CSNK2A2IP: variants seen among roughly 807,000 people sequenced by gnomAD.
CSNK2A2IP encodes the protein casein kinase 2 subunit alpha' interacting protein.
chr3:88,388,672 T>C, the CSNK2A2IP span, among the ~76,000 whole-genome samples: 1 of 152,220 alleles, frequency 6.6e-6, no homozygotes, highest in African/African-American at 2.4e-5. Flanking sequence ...TTCTTTGCCA[T>C]CTTATTCATC....
At chr3:88,342,988 A>T in the CSNK2A2IP span, among the ~76,000 whole-genome samples, 1 of 151,972 alleles carries the variant, frequency 6.6e-6, no homozygotes, top group African/African-American at 2.4e-5. Flanking sequence ...CTTACACTTA[A>T]ATAGCCACCT....
the CSNK2A2IP span, among the ~76,000 whole-genome samples, chr3:88,413,185 A>G: frequency 6.6e-6 from 1 of 152,044 alleles, no homozygotes; most frequent in Non-Finnish European, 1.5e-5. Flanking sequence ...ATGCCTACTC[A>G]CCTATGTTGT....
the CSNK2A2IP span, among the ~76,000 whole-genome samples, chr3:88,452,612 C>T: frequency 6.6e-6 from 1 of 152,038 alleles, no homozygotes; most frequent in Non-Finnish European, 1.5e-5. Flanking sequence ...TGGTCGACGA[C>T]TCAATTACAG....
At chr3:88,454,564 C>T in the CSNK2A2IP span, among the ~76,000 whole-genome samples, 23 of 151,738 alleles carry the variant, frequency 1.5e-4, no homozygotes, top group African/African-American at 5.3e-4. Flanking sequence ...ACAGTAGATC[C>T]ATGATCTTAT....
At chr3:88,345,266 C>T in the CSNK2A2IP span, among the ~76,000 whole-genome samples, 1 of 151,984 alleles carries the variant, frequency 6.6e-6, no homozygotes, top group Non-Finnish European at 1.5e-5. Context: ...TATTTGTGTA[C>T]GTGGCTTGCC....
chr3:88,363,917 C>T, the CSNK2A2IP span, among the ~76,000 whole-genome samples: 1 of 152,148 alleles, frequency 6.6e-6, no homozygotes, highest in Non-Finnish European at 1.5e-5. Flanking sequence ...CTGAGGTTTT[C>T]TTCCCCTGGC....
At chr3:88,428,061 G>A in the CSNK2A2IP span, among the ~76,000 whole-genome samples, 1 of 152,196 alleles carries the variant, frequency 6.6e-6, no homozygotes, top group Non-Finnish European at 1.5e-5. Flanking sequence ...CAGGGGTAGA[G>A]CTGCACAAGA....
the CSNK2A2IP span, among the ~76,000 whole-genome samples, chr3:88,442,036 T>A: frequency 6.6e-6 from 1 of 152,150 alleles, no homozygotes; most frequent in Non-Finnish European, 1.5e-5. Context: ...AATGAATAGC[T>A]TTACATTAAA....
the CSNK2A2IP span, among the ~76,000 whole-genome samples, chr3:88,396,508 A>C: frequency 1.3e-5 from 2 of 152,220 alleles, no homozygotes; most frequent in Non-Finnish European, 2.9e-5. Flanking sequence ...CTGAAGCCGG[A>C]ACAAGCATTG....
chr3:88,446,076 T>TTC, the CSNK2A2IP span, among the ~76,000 whole-genome samples: 1 of 145,724 alleles, frequency 6.9e-6, no homozygotes, highest in Non-Finnish European at 1.5e-5. Context: ...CTTTCTTTCT[T>TTC]TCTTTCTTTC....
the CSNK2A2IP span, among the ~76,000 whole-genome samples, chr3:88,354,615 T>C: frequency 1.3e-5 from 2 of 152,142 alleles, no homozygotes; most frequent in Non-Finnish European, 1.5e-5. Context: ...GAAAGAAAAT[T>C]CACCTGTCCA....
chr3:88,338,811 G>A, the CSNK2A2IP span, among the ~76,000 whole-genome samples: 2 of 152,126 alleles, frequency 1.3e-5, no homozygotes, highest in South Asian at 2.1e-4. Context: ...AAAAATGTCA[G>A]TGAATAAACT....
At chr3:88,374,593 T>C in the CSNK2A2IP span, among the ~76,000 whole-genome samples, 1 of 151,716 alleles carries the variant, frequency 6.6e-6, no homozygotes, top group South Asian at 2.1e-4. Flanking sequence ...ATGAAAATTG[T>C]AAAAACAGCA....
At chr3:88,418,302 T>G in the CSNK2A2IP span, among the ~76,000 whole-genome samples, 1 of 152,034 alleles carries the variant, frequency 6.6e-6, no homozygotes, top group Non-Finnish European at 1.5e-5. Context: ...AAAAAGATCG[T>G]GGTGCAGTGA....
chr3:88,395,469 A>C, the CSNK2A2IP span, among the ~76,000 whole-genome samples: 1 of 152,226 alleles, frequency 6.6e-6, no homozygotes, highest in Non-Finnish European at 1.5e-5. Context: ...TTGTGAACAT[A>C]AACTGATCTT....
the CSNK2A2IP span, among the ~76,000 whole-genome samples, chr3:88,381,927 A>C: frequency 0.067 from 10,270 of 152,188 alleles, 1,004 homozygotes; most frequent in African/African-American, 0.21. Flanking sequence ...TCAATCATAC[A>C]TCAATAAACT....
At chr3:88,398,694 C>T in the CSNK2A2IP span, among the ~76,000 whole-genome samples, 1 of 152,092 alleles carries the variant, frequency 6.6e-6, no homozygotes, top group Non-Finnish European at 1.5e-5. Flanking sequence ...TTAACAATTA[C>T]AAGTTGAAAG....
chr3:88,409,300 C>T, the CSNK2A2IP span, among the ~76,000 whole-genome samples: 2 of 151,986 alleles, frequency 1.3e-5, no homozygotes, highest in African/African-American at 4.8e-5. Flanking sequence ...GTCCTCTGTT[C>T]TGTCTTCTGT....
the CSNK2A2IP span, among the ~76,000 whole-genome samples, chr3:88,366,248 T>C: frequency 3.3e-5 from 5 of 152,262 alleles, no homozygotes; most frequent in Non-Finnish European, 7.4e-5. Flanking sequence ...ATGATTAAAA[T>C]GCTTCAGAGC....
Sources: gnomAD v4.1 joint callset for allele counts (sites outside exome capture counted in the v4.1 genomes callset) on GRCh38, gnomAD v4.1.1 for gene constraint, MANE v1.5 for transcripts, NCBI Gene and HGNC (gene_info 2026-07-23, HGNC 2026-07-21) for gene names.